PCDHGA3: variants seen among roughly 807,000 people sequenced by gnomAD.
PCDHGA3 encodes the protein protocadherin gamma-A3.
Under a neutral mutation model 58.5 loss-of-function variants are expected in PCDHGA3, and 40 were observed. The observed-to-expected ratio is 0.68, with a 90% CI of 0.53 to 0.89. The LOEUF is 0.89. PCDHGA3 is among the 40% of genes least tolerant of loss of function. The pLI is 0.00. For missense variants in PCDHGA3, 1,223 were observed against 1,195.9 expected, an observed-to-expected ratio of 1.02 and a Z score of -0.33; for synonymous variants, 530 against 525.7, an observed-to-expected ratio of 1.01 and a Z score of -0.11.
intron 1 of PCDHGA3, chr5:141,395,403 A>G: frequency 2.4e-6 from 2 of 849,494 alleles, no homozygotes; most frequent in East Asian, 2.8e-5. Flanking sequence ...TCTAATAGTC[A>G]TAGGTTATTG....
chr5:141,404,849 C>G, intron 1 of PCDHGA3: 1 of 1,613,862 alleles, frequency 6.2e-7, no homozygotes, highest in Non-Finnish European at 8.5e-7. Context: ...TCGGGCCCTG[C>G]TAGATAGAGA....
rs1193095881 is a variant in PCDHGA3 at position 141,490,273 on chromosome 5, G to T, written c.2425-4534G>T. On this transcript the variant is annotated intron_variant, in intron 1 of 3. Coordinates refer to ENST00000253812, the MANE Select transcript of PCDHGA3 (RefSeq NM_018916.4). This position sits in a 1 kb window ranked among gnomAD's most constrained non-coding sequence, Gnocchi z 5.4. ...TCAAGTGGATGTGGGGGATGTCAAT[G>T]ACAATGCCCCAGAGGTGCTATTGGC... 6.2e-7 allele frequency: 1 copy of T among 1,614,108 alleles called. No homozygotes were observed. The highest frequency in any genetic ancestry group is 8.5e-7 in the Non-Finnish European group (1 of 1,180,052).
At position 141,486,257 on chromosome 5, in the gene PCDHGA3, A is replaced by C; in HGVS notation, c.2425-8550A>C. 6.2e-7 allele frequency: 1 copy of C among 1,614,032 alleles called. No individual in the cohort carries two copies. The highest frequency in any genetic ancestry group is 8.5e-7 in the Non-Finnish European group (1 of 1,179,982). On this transcript the variant is annotated intron_variant, in intron 1 of 3. Transcript: ENST00000253812. The surrounding 1 kb of genome is among the most constrained non-coding windows in gnomAD (Gnocchi z 5.0). ...CTCAGAGCTTGGAACCCTCCCCGAG[A>C]GTGCAGAACCTGGCACTGTGGTGGC... is the stretch of plus-strand genomic sequence containing the variant.
intron 1 of PCDHGA3, chr5:141,403,193 A>G (rs1291009856): frequency 1.9e-6 from 3 of 1,613,986 alleles, no homozygotes; most frequent in South Asian, 2.2e-5. Context: ...GAACCCGCGC[A>G]GCGGCACCTT....
intron 1 of PCDHGA3, chr5:141,393,317 G>C (rs927337267): frequency 6.2e-7 from 1 of 1,612,904 alleles, no homozygotes; most frequent in South Asian, 1.1e-5. Flanking sequence ...ACTCCCTCCA[G>C]AGCTACCAGC....
At chr5:141,375,842 C>G (rs547807235) in intron 1 of PCDHGA3, 4 of 1,614,122 alleles carry the variant, frequency 2.5e-6, no homozygotes, top group Non-Finnish European at 3.4e-6. Context: ...GCCCGGCTAC[C>G]TGGTGACCAA....
chr5:141,361,410 C>G (rs759239364), intron 1 of PCDHGA3: 5 of 1,614,054 alleles, frequency 3.1e-6, no homozygotes, highest in Non-Finnish European at 2.5e-6. Context: ...TCACAGCCAC[C>G]GACGGGGGCA....
chr5:141,464,043 T>C (rs2099074643), intron 1 of PCDHGA3, among the ~76,000 whole-genome samples: 2 of 152,074 alleles, frequency 1.3e-5, no homozygotes, highest in African/African-American at 4.8e-5. Context: ...GGCGGGTGGA[T>C]CACCTGAGGT....
At chr5:141,389,326 C>T (rs763831269) in intron 1 of PCDHGA3, 1 of 1,613,994 alleles carries the variant, frequency 6.2e-7, no homozygotes, top group Admixed American at 1.7e-5. Flanking sequence ...GACTTGGGGC[C>T]CAACGGCCAA....
intron 1 of PCDHGA3, chr5:141,415,377 C>A: frequency 1.2e-6 from 2 of 1,614,236 alleles, no homozygotes; most frequent in Non-Finnish European, 1.7e-6. Flanking sequence ...CTTCAGGAGG[C>A]GGCTTGACAG....
intron 1 of PCDHGA3, chr5:141,352,782 G>C (rs2149771321): frequency 9.0e-7 from 1 of 1,105,830 alleles, no homozygotes; most frequent in African/African-American, 1.6e-5. Context: ...TTGAGGTCAG[G>C]AGTTTGAGAC....
Position 141,489,624 on chromosome 5 carries a change from C to T in PCDHGA3, c.2425-5183C>T. 1 of 1,614,088 alleles carries T rather than the reference C, an allele frequency of 6.2e-7. No homozygotes were observed. On this transcript the variant is annotated intron_variant, in intron 1 of 3. Transcript: ENST00000253812. The surrounding 1 kb of genome is among the most constrained non-coding windows in gnomAD (Gnocchi z 4.5). Reference sequence around the variant, plus strand: ...AGGTAGAGATCCTGGATCTCAATGACAACTCTCCTAGCTTTGCCACCCCTG... The same window carrying T: ...AGGTAGAGATCCTGGATCTCAATGATAACTCTCCTAGCTTTGCCACCCCTG...
At position 141,486,464 on chromosome 5, in the gene PCDHGA3, G is replaced by A; in HGVS notation, c.2425-8343G>A. The A allele has an allele frequency of 1.2e-6, 2 of 1,614,034 alleles. No homozygotes were observed. Among genetic ancestry groups the A allele is most frequent in the Non-Finnish European group, 1.7e-6 (2 of 1,179,946 alleles). On this transcript the variant is annotated intron_variant, in intron 1 of 3. Transcript: ENST00000253812. This position sits in a 1 kb window ranked among gnomAD's most constrained non-coding sequence, Gnocchi z 5.0. ...CATCATGGTCACTGCTTCTGATGCTGGGAACCCTCCTCTCAGTACCCACAG... is the reference window on the plus strand; with the variant it reads ...CATCATGGTCACTGCTTCTGATGCTAGGAACCCTCCTCTCAGTACCCACAG...
intron 1 of PCDHGA3, chr5:141,365,468 G>A: frequency 6.2e-7 from 1 of 1,613,972 alleles, no homozygotes; most frequent in Non-Finnish European, 8.5e-7. Flanking sequence ...TGGAGAAAAT[G>A]GTGAGATTGC....
At chr5:141,410,258 G>C in intron 1 of PCDHGA3, 1 of 1,614,022 alleles carries the variant, frequency 6.2e-7, no homozygotes, top group Non-Finnish European at 8.5e-7. Context: ...TGACCCCCAG[G>C]CTGAACTGCA....
intron 1 of PCDHGA3, chr5:141,415,051 C>G: frequency 6.2e-7 from 1 of 1,613,458 alleles, no homozygotes; most frequent in Non-Finnish European, 8.5e-7. Context: ...GGTGGGGGAG[C>G]ACACGGGCGA....
Position 141,408,343 on chromosome 5 carries a change from G to A in PCDHGA3, c.2424+61886G>A, listed in dbSNP as rs780878986. On this transcript the variant is annotated intron_variant, in intron 1 of 3. Transcript: ENST00000253812. Reference sequence around the variant, plus strand: ...AGGAGCTGGCCAAGGGCTCGGTGGTGGGGAACCTCGCTAAGGATCTAGGGC... The same window carrying A: ...AGGAGCTGGCCAAGGGCTCGGTGGTAGGGAACCTCGCTAAGGATCTAGGGC... The A allele has an allele frequency of 1.9e-6, 3 of 1,613,924 alleles. No individual in the cohort carries two copies. In the South Asian group the frequency reaches 3.3e-5, roughly 18 times the overall value.
intron 1 of PCDHGA3, among the ~76,000 whole-genome samples, chr5:141,466,558 C>T (rs1407160827): frequency 6.6e-6 from 1 of 152,120 alleles, no homozygotes; most frequent in Non-Finnish European, 1.5e-5. Flanking sequence ...CTGTGGGCTT[C>T]ATCTTCAACA....
At chr5:141,349,757 G>A (rs1758345817) in intron 1 of PCDHGA3, among the ~76,000 whole-genome samples, 1 of 152,030 alleles carries the variant, frequency 6.6e-6, no homozygotes. Context: ...CAGCAGTCAT[G>A]CCAGAGTTTA....
Sources: gnomAD v4.1 joint callset for allele counts (sites outside exome capture counted in the v4.1 genomes callset) on GRCh38, gnomAD v4.1.1 for gene constraint, Gnocchi (gnomAD v3.1) non-coding constraint, MANE v1.5 for transcripts, NCBI Gene and HGNC (gene_info 2026-07-23, HGNC 2026-07-21) for gene names.